ANKRD55: variants seen among roughly 807,000 people sequenced by gnomAD.
ANKRD55 encodes ankyrin repeat domain 55, also known as ankyrin repeat domain-containing protein 55.
Under a neutral mutation model 60.6 loss-of-function variants are expected in ANKRD55, and 41 were observed. The ratio of observed to expected loss-of-function variants is 0.68; its 90% CI spans 0.53 to 0.88. ANKRD55 has a LOEUF of 0.88. Ranked by LOEUF, ANKRD55 falls within the 40% of genes least tolerant of loss-of-function variation. The pLI, the probability that ANKRD55 is intolerant of heterozygous loss-of-function variation, is 0.00. For missense variants in ANKRD55, 732 were observed against 767.6 expected (o/e 0.95, Z 0.55); for synonymous variants, 264 against 290.3 (o/e 0.91, Z 0.92).
In ANKRD55 at chr5:56,135,245, TC is replaced by T. The variant is rs1256251370; in HGVS notation, c.613-8140del. On this transcript the variant is annotated intron_variant, in intron 7 of 11. Coordinates refer to ENST00000341048, the MANE Select transcript of ANKRD55 (RefSeq NM_024669.3). ...TTCCTTCCTTCCTTCCTTCCTTCCT[TC>T]CTTCCTTCCTTCCTTCTTTCCCTCC... 2.9e-3 allele frequency among the ~76,000 whole-genome samples: 405 copies of T among 140,408 alleles called. 11 individuals are homozygous for T. Among genetic ancestry groups the T allele is most frequent in the African/African-American group, 0.01 (384 of 36,876 alleles). 92.1% of individuals were successfully genotyped at this position (140,408 alleles called of 152,430 possible).
At chr5:56,103,639 A>C (rs955544078) in intron 10 of ANKRD55, among the ~76,000 whole-genome samples, 14 of 152,184 alleles carry the variant, frequency 9.2e-5, no homozygotes, top group African/African-American at 3.4e-4. Context: ...ATAATTGTAT[A>C]TCTTTTCCAC....
At chr5:56,180,364 T>C (rs1758827281) in intron 3 of ANKRD55, among the ~76,000 whole-genome samples, 4 of 152,242 alleles carry the variant, frequency 2.6e-5, no homozygotes, top group Admixed American at 2.6e-4. Flanking sequence ...TCCTTCCACT[T>C]TATTCTTTTT....
Position 56,108,636 on chromosome 5 carries a change from G to A in ANKRD55, c.1630+2482C>T, listed in dbSNP as rs149215170. Among the ~76,000 whole-genome samples the A allele has an allele frequency of 3.5e-4, 54 of 152,274 alleles. 2 individuals carry two copies. The East Asian group carries it at 9.8e-3, about 28-fold the overall frequency. On this transcript the variant is annotated intron_variant, in intron 10 of 11. Coordinates refer to ENST00000341048, the MANE Select transcript of ANKRD55 (RefSeq NM_024669.3). ...CCATATTCTACTTCAAAGGCTTCAG[G>A]CACTGGGCACATGTCAAAGGGTGAA...
rs113255198 is a variant in ANKRD55, at chr5:56,209,754, C to T, written c.58+23102G>A. ...TGCTGGGATTACAGGCGTGAGCCAC[C>T]GCGCCCGGCTACATGTATATCCCTT... is the stretch of plus-strand genomic sequence containing the variant. On this transcript the variant is annotated intron_variant, in intron 2 of 11. Coordinates refer to ENST00000341048, the MANE Select transcript of ANKRD55 (RefSeq NM_024669.3). Among the ~76,000 whole-genome samples, 477 of 152,316 alleles carry T rather than the reference C, an allele frequency of 3.1e-3. 2 individuals carry two copies. The highest frequency in any genetic ancestry group is 0.01 in the African/African-American group (427 of 41,574).
intron 2 of ANKRD55, among the ~76,000 whole-genome samples, chr5:56,204,629 C>T (rs1333117784): frequency 6.6e-6 from 1 of 152,120 alleles, no homozygotes; most frequent in Non-Finnish European, 1.5e-5. Context: ...CCTGAGGCCT[C>T]CCCGACACTG....
intron 2 of ANKRD55, chr5:56,193,142 A>C: frequency 1.5e-6 from 1 of 682,782 alleles, no homozygotes; most frequent in Non-Finnish European, 2.4e-6. Flanking sequence ...GAGAAGATTT[A>C]AGCCCTTTGT....
chr5:56,171,377 G>A (rs906610818), intron 4 of ANKRD55, among the ~76,000 whole-genome samples: 3 of 152,138 alleles, frequency 2.0e-5, no homozygotes, highest in Non-Finnish European at 4.4e-5. Context: ...GAAACTTTAC[G>A]TGAACTGCTG....
chr5:56,127,355 C>T, intron 7 of ANKRD55: 2 of 985,218 alleles, frequency 2.0e-6, no homozygotes, highest in Non-Finnish European at 2.4e-6. Flanking sequence ...TCTTCCATAA[C>T]TAGTGAACGA....
At chr5:56,169,270 GT>G (rs1758552361) in intron 5 of ANKRD55, among the ~76,000 whole-genome samples, 1 of 152,158 alleles carries the variant, frequency 6.6e-6, no homozygotes, top group South Asian at 2.1e-4. Context: ...CAGTTAATAG[GT>G]TTTGAAATGA....
chr5:56,212,792 T>C (rs1759708647), intron 2 of ANKRD55, among the ~76,000 whole-genome samples: 1 of 152,250 alleles, frequency 6.6e-6, no homozygotes, highest in Admixed American at 6.5e-5. Context: ...GTTTGAATGA[T>C]TTAATTATCT....
intron 7 of ANKRD55, among the ~76,000 whole-genome samples, chr5:56,135,351 CTTTCTT>C (rs764998445): frequency 3.1e-5 from 1 of 32,186 alleles, no homozygotes; most frequent in South Asian, 9.4e-4. Context: ...TTCTTTCTTT[CTTTCTT>C]TCTTTCTTTC....
intron 8 of ANKRD55, among the ~76,000 whole-genome samples, chr5:56,122,468 T>G (rs1041215034): frequency 6.6e-6 from 1 of 151,546 alleles, no homozygotes; most frequent in Admixed American, 6.6e-5. Context: ...CTGGCCAACA[T>G]GGTGAAACCC....
chr5:56,108,756 CA>C (rs1756574740), intron 10 of ANKRD55, among the ~76,000 whole-genome samples: 1 of 152,132 alleles, frequency 6.6e-6, no homozygotes, highest in Non-Finnish European at 1.5e-5. Context: ...AAACATATTG[CA>C]GCTGGGCACA....
At chr5:56,177,465 C>T (rs1448259969) in intron 3 of ANKRD55, among the ~76,000 whole-genome samples, 2 of 152,030 alleles carry the variant, frequency 1.3e-5, no homozygotes, top group Non-Finnish European at 2.9e-5. Flanking sequence ...CTGAAATGCT[C>T]AGTAAGTAAA....
At chr5:56,125,494 G>A (rs541598106) in intron 8 of ANKRD55, among the ~76,000 whole-genome samples, 4 of 151,846 alleles carry the variant, frequency 2.6e-5, no homozygotes, top group African/African-American at 9.7e-5. Flanking sequence ...TGGCCAGGCT[G>A]GTCTCAAACT....
chr5:56,221,522 G>A (rs926034813), intron 2 of ANKRD55, among the ~76,000 whole-genome samples: 1 of 152,198 alleles, frequency 6.6e-6, no homozygotes, highest in South Asian at 2.1e-4. Flanking sequence ...GCAGCCCACC[G>A]AGCATGAGCC....
chr5:56,145,278 C>T (rs1213960036), intron 6 of ANKRD55, among the ~76,000 whole-genome samples: 1 of 152,208 alleles, frequency 6.6e-6, no homozygotes. Context: ...AGCCTCCTTG[C>T]AGATAGGTGC....
At chr5:56,158,172 A>G (rs1030503857) in intron 6 of ANKRD55, among the ~76,000 whole-genome samples, 5 of 149,400 alleles carry the variant, frequency 3.3e-5, no homozygotes, top group Non-Finnish European at 7.5e-5. Flanking sequence ...CAGAGTAAGA[A>G]TCTGTCTATT....
chr5:56,138,139 T>TC (rs1405219874), intron 7 of ANKRD55, among the ~76,000 whole-genome samples: 25 of 150,368 alleles, frequency 1.7e-4, no homozygotes, highest in African/African-American at 5.6e-4. Context: ...TTTTTTTTTT[T>TC]TTTTTTGAGA....
Sources: allele counts gnomAD v4.1 joint callset (sites outside exome capture counted in the v4.1 genomes callset), GRCh38; gene constraint gnomAD v4.1.1; transcripts MANE v1.5; gene names NCBI Gene and HGNC (gene_info 2026-07-23, HGNC 2026-07-21).